Variants in NKAIN3 observed in about 807,000 individuals in gnomAD.
NKAIN3 encodes sodium/potassium-transporting ATPase subunit beta-1-interacting protein 3.
A neutral mutation model predicts 30.2 loss-of-function variants in NKAIN3; 25 were observed. The observed-to-expected ratio is 0.83, with a 90% CI of 0.60 to 1.16. The LOEUF is 1.16. Among genes scored for constraint, NKAIN3 ranks in the 50% most tolerant of loss-of-function variants. The pLI, the probability that NKAIN3 is intolerant of heterozygous loss-of-function variation, is 0.00. For synonymous variants in NKAIN3, 91 were observed against 89.6 expected (o/e 1.02, Z -0.09); for missense variants, 225 against 254.1 (o/e 0.89, Z 0.78).
chr8:62,958,513 T>C (rs1205582531), intron 6 of NKAIN3, among the ~76,000 whole-genome samples: 3 of 152,046 alleles, frequency 2.0e-5, no homozygotes, highest in African/African-American at 7.3e-5. Flanking sequence ...ACTGCTCTTA[T>C]CATCAGAACC....
intron 3 of NKAIN3, among the ~76,000 whole-genome samples, chr8:62,700,309 TAA>T (rs1419855759): frequency 6.6e-6 from 1 of 152,140 alleles, no homozygotes; most frequent in Non-Finnish European, 1.5e-5. Context: ...CAGGGTAAAA[TAA>T]AGAGGCAAAG....
At chr8:62,506,238 G>GGGGC (rs3059054) in intron 1 of NKAIN3, among the ~76,000 whole-genome samples, 1 of 137,656 alleles carries the variant, frequency 7.3e-6, no homozygotes, top group African/African-American at 2.6e-5. Flanking sequence ...TGGGGGGGGG[G>GGGGC]ACATTATTTC....
At chr8:62,676,880 A>AT (rs1001103841) in intron 3 of NKAIN3, among the ~76,000 whole-genome samples, 24 of 151,136 alleles carry the variant, frequency 1.6e-4, no homozygotes, top group African/African-American at 5.1e-4. Context: ...TGCCAAGCTA[A>AT]TTTTTTTTTA....
At chr8:62,803,494 A>T (rs1324355526) in intron 4 of NKAIN3, among the ~76,000 whole-genome samples, 2 of 152,120 alleles carry the variant, frequency 1.3e-5, no homozygotes, top group African/African-American at 2.4e-5. Flanking sequence ...GGAAACTGAA[A>T]AACCTGCTCC....
intron 1 of NKAIN3, among the ~76,000 whole-genome samples, chr8:62,433,145 T>G (rs1353201300): frequency 1.3e-5 from 2 of 152,194 alleles, no homozygotes; most frequent in African/African-American, 4.8e-5. Context: ...CAAATAAAAC[T>G]GTAATAATTT....
intron 1 of NKAIN3, among the ~76,000 whole-genome samples, chr8:62,360,265 C>T (rs189137200): frequency 9.3e-4 from 141 of 152,264 alleles, no homozygotes; most frequent in African/African-American, 3.2e-3. Flanking sequence ...ATTGAGACTC[C>T]TAAGAAGATT....
intron 4 of NKAIN3, among the ~76,000 whole-genome samples, chr8:62,830,746 A>G (rs1251763792): frequency 6.6e-6 from 1 of 152,166 alleles, no homozygotes; most frequent in African/African-American, 2.4e-5. Flanking sequence ...CTCCACACCC[A>G]GGATTAGGAG....
chr8:62,560,804 A>G (rs827697), intron 1 of NKAIN3, among the ~76,000 whole-genome samples: 129,529 of 151,978 alleles, frequency 0.85, 55,363 homozygotes, highest in Admixed American at 0.89. Context: ...GCCTCCCAAA[A>G]TGCTGGGATT....
chr8:62,399,567 C>G (rs751310214), intron 1 of NKAIN3, among the ~76,000 whole-genome samples: 3 of 152,210 alleles, frequency 2.0e-5, no homozygotes, highest in Non-Finnish European at 4.4e-5. Flanking sequence ...TTTGCTTAAA[C>G]AAGCAACAAT....
chr8:62,624,352 A>G (rs1585875), intron 3 of NKAIN3, among the ~76,000 whole-genome samples: 73,090 of 151,544 alleles, frequency 0.48, 20,684 homozygotes, highest in African/African-American at 0.79. Flanking sequence ...TGGTTCAAAC[A>G]CTTCTGAAAA....
intron 3 of NKAIN3, among the ~76,000 whole-genome samples, chr8:62,616,780 A>G (rs986105284): frequency 6.6e-6 from 1 of 152,130 alleles, no homozygotes; most frequent in African/African-American, 2.4e-5. Flanking sequence ...ACCAGCTCCC[A>G]TCTTGAAAAG....
chr8:62,387,653 T>C (rs1468912769), intron 1 of NKAIN3, among the ~76,000 whole-genome samples: 1 of 152,198 alleles, frequency 6.6e-6, no homozygotes, highest in Non-Finnish European at 1.5e-5. Flanking sequence ...ACTTTTCCAT[T>C]GTGATAACAT....
At chr8:62,797,153 C>T (rs1396338376) in intron 4 of NKAIN3, among the ~76,000 whole-genome samples, 1 of 152,180 alleles carries the variant, frequency 6.6e-6, no homozygotes, top group Non-Finnish European at 1.5e-5. Context: ...AGGATTAAAA[C>T]TCTTTTCTTA....
chr8:62,403,451 TG>T (rs573359950), intron 1 of NKAIN3, among the ~76,000 whole-genome samples: 19 of 152,120 alleles, frequency 1.2e-4, no homozygotes, highest in African/African-American at 4.6e-4. Context: ...AAGGAAAAAA[TG>T]GGCCAGATCC....
intron 1 of NKAIN3, among the ~76,000 whole-genome samples, chr8:62,403,900 C>T (rs903212684): frequency 1.3e-5 from 2 of 152,226 alleles, no homozygotes; most frequent in African/African-American, 4.8e-5. Context: ...GTAACAGACA[C>T]TCAATGCCAG....
intron 1 of NKAIN3, among the ~76,000 whole-genome samples, chr8:62,479,311 C>A (rs1432608839): frequency 6.6e-6 from 1 of 152,120 alleles, no homozygotes; most frequent in Non-Finnish European, 1.5e-5. Flanking sequence ...CCTACATTAT[C>A]TCATTTGGCC....
At chr8:62,581,202 A>G (rs1204721701) in intron 2 of NKAIN3, among the ~76,000 whole-genome samples, 2 of 151,006 alleles carry the variant, frequency 1.3e-5, no homozygotes, top group African/African-American at 4.9e-5. Context: ...TAACTACACA[A>G]TCTCCTAGAA....
In NKAIN3 at chr8:62,513,388, A is replaced by G. The variant is rs566891926; in HGVS notation, c.55-66151A>G. On this transcript the variant is annotated intron_variant, in intron 1 of 6. Transcript: ENST00000623646. ...TAGAGGGGGAAATAGATATTAATCAAACAATCACAAAAACATGGTCATAAA... is the reference window on the plus strand; with the variant it reads ...TAGAGGGGGAAATAGATATTAATCAGACAATCACAAAAACATGGTCATAAA... Among the ~76,000 whole-genome samples, 8 of 152,122 alleles carry G rather than the reference A, an allele frequency of 5.3e-5. No homozygotes were observed. In the South Asian group the frequency reaches 1.5e-3, roughly 28 times the overall value.
rs142905799 is a variant in NKAIN3, at chr8:62,425,633, T to A, written c.55-153906T>A. 5.5e-3 allele frequency among the ~76,000 whole-genome samples: 840 copies of A among 152,094 alleles called. 6 individuals carry two copies. Among genetic ancestry groups the A allele is most frequent in the African/African-American group, 0.019 (803 of 41,544 alleles). ...TGTATTCTATTTTCTCTATTTTTAG[T>A]TGTAGTTCCTGATGGGTTTAATAAT... On this transcript the variant is annotated intron_variant, in intron 1 of 6. Transcript: ENST00000623646.
Sources: allele counts gnomAD v4.1 joint callset (sites outside exome capture counted in the v4.1 genomes callset), GRCh38; gene constraint gnomAD v4.1.1; transcripts MANE v1.5; gene names NCBI Gene and HGNC (gene_info 2026-07-23, HGNC 2026-07-21).